The following C10orf67 variants were observed in gnomAD, a reference collection of about 807,000 sequenced individuals.
C10orf67 encodes the protein chromosome 10 open reading frame 67.
Under a neutral mutation model 35.6 loss-of-function variants are expected in C10orf67, and 60 were observed. The ratio of observed to expected loss-of-function variants is 1.68; its 90% CI spans 1.37 to 2.09. C10orf67 has a LOEUF of 2.09. Among genes scored for constraint, C10orf67 ranks in the 30% most tolerant of loss-of-function variants. C10orf67 has a pLI of 0.00. For missense variants in C10orf67, 474 were observed against 330.2 expected (o/e 1.44, Z -3.38); for synonymous variants, 167 against 115.8 (o/e 1.44, Z -2.84).
chr10:23,219,788 C>T (rs1481077952), intron 15 of C10orf67, among the ~76,000 whole-genome samples: 1 of 152,062 alleles, frequency 6.6e-6, no homozygotes, highest in African/African-American at 2.4e-5. Flanking sequence ...TTTTACTTTA[C>T]TCTTTTCAAA....
At chr10:23,208,187 T>C (rs765186023) in intron 15 of C10orf67, among the ~76,000 whole-genome samples, 9 of 152,234 alleles carry the variant, frequency 5.9e-5, no homozygotes, top group Admixed American at 2.6e-4. Flanking sequence ...ATTTGGAGCC[T>C]AAGGATTGAA....
chr10:23,280,495 C>A (rs1311615124), intron 8 of C10orf67, among the ~76,000 whole-genome samples: 1 of 152,144 alleles, frequency 6.6e-6, no homozygotes, highest in Non-Finnish European at 1.5e-5. Context: ...GAAATAGTGA[C>A]CTCGATGGGT....
intron 1 of C10orf67, among the ~76,000 whole-genome samples, chr10:23,333,820 G>A (rs2132396527): frequency 6.6e-6 from 1 of 152,230 alleles, no homozygotes; most frequent in South Asian, 2.1e-4. Flanking sequence ...GAACAATACA[G>A]CTAGTTTTTC....
chr10:23,296,349 C>T (rs940034829), intron 5 of C10orf67, among the ~76,000 whole-genome samples: 13 of 152,176 alleles, frequency 8.5e-5, no homozygotes, highest in Non-Finnish European at 1.8e-4. Context: ...AGATGATTGG[C>T]TATTTCTTTA....
intron 4 of C10orf67, among the ~76,000 whole-genome samples, chr10:23,312,259 C>T (rs1397861549): frequency 6.6e-6 from 1 of 152,086 alleles, no homozygotes; most frequent in Non-Finnish European, 1.5e-5. Flanking sequence ...TAACAGTGAG[C>T]TCATGGATTC....
chr10:23,341,710 C>T (rs575478599), intron 1 of C10orf67, among the ~76,000 whole-genome samples: 2 of 152,324 alleles, frequency 1.3e-5, no homozygotes, highest in African/African-American at 2.4e-5. Flanking sequence ...GCCACACTGG[C>T]CTCCTTGCTG....
intron 10 of C10orf67, among the ~76,000 whole-genome samples, chr10:23,259,393 G>A (rs1308958025): frequency 5.3e-5 from 8 of 152,196 alleles, no homozygotes; most frequent in Admixed American, 5.2e-4. Context: ...AAGATTGCAA[G>A]ACTCAGCCTG....
chr10:23,330,730 ACT>A (rs370637276), intron 2 of C10orf67, among the ~76,000 whole-genome samples: 5 of 122,530 alleles, frequency 4.1e-5, no homozygotes, highest in African/African-American at 1.3e-4. Flanking sequence ...ACAGAGCAAG[ACT>A]CTGTCTCAAA....
At chr10:23,281,977 T>A in intron 8 of C10orf67, 36 bp downstream of exon 8, 1 of 562,370 alleles carries the variant, frequency 1.8e-6, no homozygotes, top group Non-Finnish European at 3.2e-6. Context: ...AATTCCTGAA[T>A]TCAAATTTGT....
At chr10:23,253,690 T>C (rs920678577) in intron 10 of C10orf67, among the ~76,000 whole-genome samples, 4 of 152,220 alleles carry the variant, frequency 2.6e-5, no homozygotes, top group African/African-American at 9.7e-5. Flanking sequence ...TAAATTTATG[T>C]ACAGTAAAAA....
chr10:23,336,933 G>A (rs1261564625), intron 1 of C10orf67, among the ~76,000 whole-genome samples: 1 of 152,128 alleles, frequency 6.6e-6, no homozygotes, highest in African/African-American at 2.4e-5. Context: ...AGTATAAAAT[G>A]AGCCTGGAAC....
At chr10:23,211,844 G>A (rs1044683718) in intron 15 of C10orf67, among the ~76,000 whole-genome samples, 5 of 152,090 alleles carry the variant, frequency 3.3e-5, no homozygotes, top group Admixed American at 3.3e-4. Flanking sequence ...CTCCATATGG[G>A]CCTGATAGAT....
chr10:23,328,993 C>CAAAAAAAAAAAAAAAAAAAACAAAA (rs57772405), intron 2 of C10orf67, among the ~76,000 whole-genome samples: 1 of 78,732 alleles, frequency 1.3e-5, no homozygotes, highest in Non-Finnish European at 2.5e-5. Flanking sequence ...CATAAACGAA[C>CAAAAAAAAAAAAAAAAAAAACAAAA]AAAAAAAAAA....
chr10:23,237,173 T>C (rs1842071124), intron 13 of C10orf67, among the ~76,000 whole-genome samples: 1 of 152,198 alleles, frequency 6.6e-6, no homozygotes, highest in Non-Finnish European at 1.5e-5. Context: ...CTTAGGATAA[T>C]GGCCTCCAGC....
At chr10:23,285,578 A>G (rs2132246359) in intron 7 of C10orf67, among the ~76,000 whole-genome samples, 1 of 152,156 alleles carries the variant, frequency 6.6e-6, no homozygotes, top group Non-Finnish European at 1.5e-5. Flanking sequence ...ATTATTAGTG[A>G]GACATTTCAC....
intron 15 of C10orf67, among the ~76,000 whole-genome samples, chr10:23,220,644 T>C (rs769494693): frequency 6.6e-6 from 1 of 152,254 alleles, no homozygotes; most frequent in Non-Finnish European, 1.5e-5. Context: ...CCAGCTGCTC[T>C]ACTTCTTTGC....
intron 2 of C10orf67, among the ~76,000 whole-genome samples, chr10:23,327,045 C>T (rs76836445): frequency 0.011 from 1,608 of 151,914 alleles, 33 homozygotes; most frequent in African/African-American, 0.036. Context: ...TTGTACTGTA[C>T]GGTAGAAATT....
At chr10:23,209,962 T>C (rs778307879) in intron 15 of C10orf67, among the ~76,000 whole-genome samples, 1 of 137,136 alleles carries the variant, frequency 7.3e-6, no homozygotes, top group Non-Finnish European at 1.5e-5. Context: ...ATTGCACCAT[T>C]GCACTCCAGC....
At chr10:23,301,094 T>TTC (rs1162939805) in intron 5 of C10orf67, among the ~76,000 whole-genome samples, 1 of 152,206 alleles carries the variant, frequency 6.6e-6, no homozygotes, top group East Asian at 1.9e-4. Flanking sequence ...CTGGGCCAAA[T>TTC]TCTCCTCCTC....
Sources: allele counts gnomAD v4.1 joint callset (sites outside exome capture counted in the v4.1 genomes callset), GRCh38; gene constraint gnomAD v4.1.1; transcripts MANE v1.5; gene names NCBI Gene and HGNC (gene_info 2026-07-23, HGNC 2026-07-21).